Variants in LRRC49 observed in about 807,000 individuals in gnomAD.
LRRC49 encodes leucine rich repeat containing 49.
LRRC49 carries 50 observed loss-of-function variants against 83.3 expected under a neutral mutation model. The ratio of observed to expected loss-of-function variants is 0.60; its 90% CI spans 0.48 to 0.76. The LOEUF (loss-of-function observed/expected upper bound fraction) is 0.76. LRRC49 is among the 30% of genes least tolerant of loss of function. The pLI is 0.00. For synonymous variants in LRRC49, 286 were observed against 283.3 expected, an observed-to-expected ratio of 1.01 and a Z score of -0.10; for missense variants, 704 against 809.1, an observed-to-expected ratio of 0.87 and a Z score of 1.58.
chr15:70,905,771 T>C (rs899822744), intron 5 of LRRC49, among the ~76,000 whole-genome samples: 1 of 152,204 alleles, frequency 6.6e-6, no homozygotes, highest in Non-Finnish European at 1.5e-5. Context: ...TTGGTGTCTC[T>C]GTGTCTTCAT....
rs2033656080 is a variant in LRRC49, at chr15:70,893,042, C to T, written c.48+100C>T. 3.0e-6 allele frequency: 4 copies of T among 1,326,784 alleles called. No individual in the cohort carries two copies. In the East Asian group the frequency reaches 9.2e-5, roughly 30 times the overall value. 82.2% of individuals were successfully genotyped at this position (1,326,784 alleles called of 1,614,324 possible). ...GGCTGTATTATTAGGACCGGCACCG[C>T]TGGGTCTACTCAAGCTATTGTCTGA... On this transcript the variant is annotated intron_variant, in intron 1 of 15. Transcript: ENST00000260382.
chr15:70,973,931 A>G (rs937395671), intron 9 of LRRC49, among the ~76,000 whole-genome samples: 3 of 152,090 alleles, frequency 2.0e-5, no homozygotes, highest in Non-Finnish European at 4.4e-5. Flanking sequence ...GATTGAGACC[A>G]TCCTAGCCAA....
At chr15:70,858,365 G>A (rs1230582738) in intron 1 of LRRC49, among the ~76,000 whole-genome samples, 1 of 152,178 alleles carries the variant, frequency 6.6e-6, no homozygotes, top group East Asian at 1.9e-4. Context: ...ACTTTTGGAG[G>A]CCGAGGCGGG....
intron 8 of LRRC49, among the ~76,000 whole-genome samples, chr15:70,951,275 A>AT (rs573751391): frequency 2.0e-5 from 3 of 151,528 alleles, no homozygotes; most frequent in South Asian, 4.2e-4. Context: ...GATTTTTATA[A>AT]TTTTTTTTCT....
At chr15:71,037,819 T>G (rs930712543) in intron 15 of LRRC49, among the ~76,000 whole-genome samples, 1 of 152,158 alleles carries the variant, frequency 6.6e-6, no homozygotes, top group Admixed American at 6.5e-5. Flanking sequence ...TTCAACTTGT[T>G]CTATTCCTAA....
intron 2 of LRRC49, among the ~76,000 whole-genome samples, chr15:70,874,806 A>G (rs2033118800): frequency 6.6e-6 from 1 of 152,260 alleles, no homozygotes; most frequent in African/African-American, 2.4e-5. Context: ...AAGATTTTCA[A>G]TCTCTAAAGC....
intron 14 of LRRC49, among the ~76,000 whole-genome samples, chr15:71,018,900 G>C (rs1363094865): frequency 6.6e-6 from 1 of 152,128 alleles, no homozygotes; most frequent in Non-Finnish European, 1.5e-5. Context: ...GCTTAGAGTG[G>C]CTCACAGAAC....
intron 11 of LRRC49, among the ~76,000 whole-genome samples, chr15:70,991,845 T>G (rs2037891646): frequency 6.6e-6 from 1 of 152,216 alleles, no homozygotes; most frequent in African/African-American, 2.4e-5. Flanking sequence ...AAGCCTTTCA[T>G]ATGCAAAAAA....
chr15:70,903,949 A>G (rs1362937204), intron 4 of LRRC49, among the ~76,000 whole-genome samples: 1 of 152,168 alleles, frequency 6.6e-6, no homozygotes, highest in African/African-American at 2.4e-5. Flanking sequence ...GAGCATGTAA[A>G]CATATACTTA....
intron 11 of LRRC49, among the ~76,000 whole-genome samples, chr15:70,996,665 T>C (rs1035324879): frequency 6.6e-6 from 1 of 152,200 alleles, no homozygotes; most frequent in African/African-American, 2.4e-5. Flanking sequence ...CTATAGTTGC[T>C]TTATTGGTAG....
At chr15:70,959,530 AAAGGAGGGAAGGAAGG>A (rs2036523496) in intron 8 of LRRC49, among the ~76,000 whole-genome samples, 5 of 93,654 alleles carry the variant, frequency 5.3e-5, no homozygotes, top group Non-Finnish European at 6.1e-5. Context: ...GGGAGGGAGG[AAAGGAGGGAAGGAAGG>A]AAGGAAGGAA....
chr15:70,869,402 CA>C (rs2032981516), intron 1 of LRRC49, among the ~76,000 whole-genome samples: 1 of 152,164 alleles, frequency 6.6e-6, no homozygotes. Flanking sequence ...ATATTTAAAC[CA>C]AATGATCCCA....
At chr15:70,866,653 C>A (rs142289470) in intron 1 of LRRC49, among the ~76,000 whole-genome samples, 207 of 152,214 alleles carry the variant, frequency 1.4e-3, no homozygotes, top group African/African-American at 4.9e-3. Context: ...GGTCTTCATG[C>A]AGTGACGGGA....
At chr15:70,919,989 A>G (rs2141134200) in intron 7 of LRRC49, among the ~76,000 whole-genome samples, 2 of 152,354 alleles carry the variant, frequency 1.3e-5, no homozygotes, top group East Asian at 3.9e-4. Flanking sequence ...GTATTCGTAC[A>G]TATGTGAAGA....
At chr15:70,960,906 T>A (rs1346911795) in intron 8 of LRRC49, among the ~76,000 whole-genome samples, 1 of 152,078 alleles carries the variant, frequency 6.6e-6, no homozygotes, top group Admixed American at 6.5e-5. Context: ...AAAAGTAGGA[T>A]CTATGAAAGA....
chr15:70,893,526 TGG>T, intron 1 of LRRC49, 56 bp from the exon 2 acceptor site: 1 of 963,692 alleles, frequency 1.0e-6, no homozygotes, highest in African/African-American at 1.7e-5. Flanking sequence ...TTTTTTTTTT[TGG>T]AAATATGTGT....
At chr15:70,857,158 G>A (rs975773321) in intron 1 of LRRC49, among the ~76,000 whole-genome samples, 2 of 152,186 alleles carry the variant, frequency 1.3e-5, no homozygotes, top group Admixed American at 6.5e-5. Flanking sequence ...ACAAAAGGAA[G>A]CACATTGACA....
At chr15:70,935,621 TA>T (rs2035567371) in intron 7 of LRRC49, among the ~76,000 whole-genome samples, 1 of 152,176 alleles carries the variant, frequency 6.6e-6, no homozygotes, top group Non-Finnish European at 1.5e-5. Context: ...AGTTTTGATT[TA>T]GGATTAAATA....
upstream of LRRC49, among the ~76,000 whole-genome samples, chr15:70,888,456 G>A (rs1221912721): frequency 6.6e-6 from 1 of 152,106 alleles, no homozygotes; most frequent in African/African-American, 2.4e-5. Context: ...AGTCAAATGG[G>A]TATCAATGTT....
Sources: gnomAD v4.1 joint callset for allele counts (sites outside exome capture counted in the v4.1 genomes callset) on GRCh38, gnomAD v4.1.1 for gene constraint, MANE v1.5 for transcripts, NCBI Gene and HGNC (gene_info 2026-07-23, HGNC 2026-07-21) for gene names.